Variants in MACF1 observed in about 807,000 individuals in gnomAD.
MACF1 encodes the protein microtubule actin crosslinking factor 1.
MACF1 carries 193 observed loss-of-function variants against 854.8 expected under a neutral mutation model. That is an observed-to-expected ratio of 0.23 (90% CI 0.20 to 0.25). The LOEUF is 0.25. MACF1 is among the 10% of genes least tolerant of loss of function. The pLI, the probability that MACF1 is intolerant of heterozygous loss-of-function variation, is 1.00. For missense variants in MACF1, 7,722 were observed against 8,929.1 expected (o/e 0.86, Z 5.45); for synonymous variants, 3,185 against 3,226.7 (o/e 0.99, Z 0.44).
intron 49 of MACF1, among the ~76,000 whole-genome samples, chr1:39,364,011 G>A (rs1379027074): frequency 6.6e-6 from 1 of 152,184 alleles, no homozygotes; most frequent in African/African-American, 2.4e-5. Flanking sequence ...TATTGGAAGT[G>A]TATCCTCAGA....
chr1:39,285,769 A>G lies in MACF1; in HGVS notation c.1508+11A>G. On this transcript the variant is annotated intron_variant, in intron 14 of 100. Coordinates refer to ENST00000564288, the MANE Select transcript of MACF1 (RefSeq NM_001394062.1). ...AGAGCTGGCTTTTAGGTGAGGAACA[A>G]GGGACTCAAATGGAGGGCTTGCTTG... 6.2e-7 allele frequency: 1 copy of G among 1,613,114 alleles called. No individual in the cohort carries two copies. Among genetic ancestry groups the G allele is most frequent in the Non-Finnish European group, 8.5e-7 (1 of 1,179,336 alleles).
At chr1:39,118,832 A>G (rs980374394) in intron 2 of MACF1, among the ~76,000 whole-genome samples, 10 of 152,092 alleles carry the variant, frequency 6.6e-5, no homozygotes, top group African/African-American at 2.2e-4. Flanking sequence ...TGCCTTGCCT[A>G]TATGTATTGT....
intron 22 of MACF1, 68 bp downstream of exon 22, chr1:39,300,430 G>T (rs1646015245): frequency 1.4e-6 from 2 of 1,444,754 alleles, no homozygotes; most frequent in African/African-American, 1.4e-5. Context: ...CCTTCAGTTA[G>T]GGTTATGATG....
chr1:39,395,454 C>A (rs75731568), intron 58 of MACF1, among the ~76,000 whole-genome samples: 1 of 152,142 alleles, frequency 6.6e-6, no homozygotes, highest in Non-Finnish European at 1.5e-5. Flanking sequence ...TTTATTTTTG[C>A]TGGCCTTAAT....
intron 4 of MACF1, among the ~76,000 whole-genome samples, chr1:39,252,522 T>C (rs1287112124): frequency 6.6e-6 from 1 of 152,188 alleles, no homozygotes; most frequent in Admixed American, 6.5e-5. Context: ...GAGGGGTACA[T>C]ATGAGTAAAG....
At chr1:39,323,149 G>A in intron 33 of MACF1, 141 bp downstream of exon 33, 1 of 716,462 alleles carries the variant, frequency 1.4e-6, no homozygotes, top group Non-Finnish European at 2.5e-6. Context: ...AATCCAGCAT[G>A]GGTGACATAG....
intron 40 of MACF1, among the ~76,000 whole-genome samples, chr1:39,343,220 A>G (rs747107168): frequency 2.6e-5 from 4 of 152,214 alleles, no homozygotes; most frequent in Non-Finnish European, 4.4e-5. Context: ...TCTGCTATAG[A>G]GAGATACCCC....
At chr1:39,232,537 C>T (rs1056051271) in intron 2 of MACF1, among the ~76,000 whole-genome samples, 1 of 152,082 alleles carries the variant, frequency 6.6e-6, no homozygotes, top group Non-Finnish European at 1.5e-5. Flanking sequence ...CCCCAGGATC[C>T]TAACCTTGGC....
At chr1:39,396,947 T>G (rs946082147) in intron 58 of MACF1, among the ~76,000 whole-genome samples, 3 of 152,228 alleles carry the variant, frequency 2.0e-5, no homozygotes, top group African/African-American at 4.8e-5. Flanking sequence ...TCTCTCTTAT[T>G]GACTATAGAA....
At chr1:39,430,163 A>G in intron 65 of MACF1, 95 bp downstream of exon 65, 12 of 1,349,490 alleles carry the variant, frequency 8.9e-6, no homozygotes, top group Non-Finnish European at 1.0e-5. Context: ...TAAACTAAAA[A>G]TATGTGCCCC....
At chr1:39,480,620 ACT>A (rs1256351991) in intron 98 of MACF1, among the ~76,000 whole-genome samples, 3 of 151,726 alleles carry the variant, frequency 2.0e-5, no homozygotes, top group African/African-American at 4.8e-5. Flanking sequence ...ACAGAGTGAG[ACT>A]CTGTCTCTAA....
chr1:39,309,545 T>C, intron 23 of MACF1, 25 bp from the exon 24 acceptor site: 1 of 1,613,224 alleles, frequency 6.2e-7, no homozygotes, highest in Middle Eastern at 1.7e-4. Context: ...ACAAAGGTAA[T>C]AGTCAGGTTC....
rs200290927 is a variant in MACF1, at chr1:39,334,976, T to A, written c.8388T>A (p.Ala2796=). The change falls in exon 37 of 101, where the codon GCT becomes GCA. Residue 2796 remains alanine, a synonymous_variant. Coordinates refer to ENST00000564288, the MANE Select transcript of MACF1 (RefSeq NM_001394062.1). ...TTCTAGGAAAGGATATGTTAATTGC[T>A]TGTAATCAGACTGCTGAAATGAGTT... ...NEFLGKDMLI[A]CNQTAEMSCN... The A allele has an allele frequency of 4.3e-6, 7 of 1,614,184 alleles. No individual in the cohort carries two copies. The highest frequency in any genetic ancestry group is 1.3e-5 in the African/African-American group (1 of 75,068).
At chr1:39,376,838 C>T (rs1226646450) in intron 52 of MACF1, among the ~76,000 whole-genome samples, 1 of 151,890 alleles carries the variant, frequency 6.6e-6, no homozygotes, top group Non-Finnish European at 1.5e-5. Flanking sequence ...ACCTCAAGCT[C>T]CTGAGTAGCT....
At position 39,335,052 on chromosome 1, in the gene MACF1, G is replaced by T. The variant is rs780829424; in HGVS notation, c.8464G>T (p.Ala2822Ser). 6.2e-7 allele frequency: 1 copy of T among 1,613,858 alleles called. No homozygotes were observed. The highest frequency in any genetic ancestry group is 1.3e-5 in the African/African-American group (1 of 74,918). ...ERLFQVENQS[A>S]QEKVKVRVSD... ...ATTATTTCAAGTTGAAAATCAGTCT[G>T]CACAAGAAAAGGTTAAAGTGAGAGT... Residue 2822 changes from alanine to serine, a missense_variant, in exon 37 of 101, where the codon GCA becomes TCA. Physicochemically the swap from Ala to Ser is moderately conservative, Grantham distance 99 (BLOSUM62 1). Around this residue, in one of 15 missense-constraint regions of MACF1, gnomAD observed 1,531 missense variants for 1,601.6 expected, o/e 0.96. Transcript: ENST00000564288.
intron 23 of MACF1, among the ~76,000 whole-genome samples, chr1:39,305,154 A>G (rs755177289): frequency 1.3e-5 from 2 of 150,848 alleles, no homozygotes; most frequent in Admixed American, 1.3e-4. Context: ...CCAGCTACTT[A>G]GGAGGCTGAG....
rs1352896810 is a variant in MACF1 at position 39,235,985 on chromosome 1, A to T, written c.171+4742A>T. On this transcript the variant is annotated intron_variant, in intron 2 of 100. Coordinates refer to ENST00000564288, the MANE Select transcript of MACF1 (RefSeq NM_001394062.1). The stretch of plus-strand genomic sequence containing the variant: ...ACTCCTGACCTCAAGTAGTCCTCCC[A>T]CCTTGGCCTCCCAGTGTCTTGGAAT... Among the ~76,000 whole-genome samples the T allele has an allele frequency of 3.9e-5, 6 of 152,106 alleles. No homozygotes were observed. In the East Asian group the frequency reaches 9.7e-4, roughly 24 times the overall value.
chr1:39,087,581 A>G (rs1469167242), intron 2 of MACF1, among the ~76,000 whole-genome samples: 1 of 152,140 alleles, frequency 6.6e-6, no homozygotes, highest in African/African-American at 2.4e-5. Context: ...GCCCAGCCAC[A>G]TTCAAATGTA....
chr1:39,210,337 A>G (rs1326264930), intron 1 of MACF1, among the ~76,000 whole-genome samples: 1 of 152,060 alleles, frequency 6.6e-6, no homozygotes, highest in Admixed American at 6.6e-5. Context: ...AGAATGTTTA[A>G]TCAAGGTAGA....
Sources: allele counts gnomAD v4.1 joint callset (sites outside exome capture counted in the v4.1 genomes callset), GRCh38; gene constraint gnomAD v4.1.1; regional missense constraint gnomAD v4.1.1; transcripts MANE v1.5; gene names NCBI Gene and HGNC (gene_info 2026-07-23, HGNC 2026-07-21).